Variants in SRFBP1 observed in about 807,000 individuals in gnomAD.
SRFBP1 encodes the protein serum response factor-binding protein 1.
In SRFBP1, 47 loss-of-function variants were observed where a neutral mutation model predicts 45.5. That is an observed-to-expected ratio of 1.03 (90% CI 0.82 to 1.32). The LOEUF (loss-of-function observed/expected upper bound fraction) is 1.32. Ranked by LOEUF, SRFBP1 falls within the 40% of genes most tolerant of loss-of-function variation. The pLI, the probability that SRFBP1 is intolerant of heterozygous loss-of-function variation, is 0.00. For missense variants in SRFBP1, 621 were observed against 484.6 expected (o/e 1.28, Z -2.64); for synonymous variants, 203 against 166.3 (o/e 1.22, Z -1.70).
At position 121,971,797 on chromosome 5, in the gene SRFBP1, A is replaced by G. The variant is rs74938695; in HGVS notation, c.37-2399A>G. Among the ~76,000 whole-genome samples, 777 of 152,144 alleles carry G rather than the reference A, an allele frequency of 5.1e-3. 10 individuals carry two copies. The highest frequency in any genetic ancestry group is 0.017 in the African/African-American group (727 of 41,544). ...TGAGTAGAAAGGAAAGAAGAAAACTATCTTGGAAAACTAAGGGAAGAATGT... is the reference window on the plus strand; with the variant it reads ...TGAGTAGAAAGGAAAGAAGAAAACTGTCTTGGAAAACTAAGGGAAGAATGT... On this transcript the variant is annotated intron_variant, in intron 1 of 7. Coordinates refer to ENST00000339397, the MANE Select transcript of SRFBP1 (RefSeq NM_152546.3).
intron 3 of SRFBP1, among the ~76,000 whole-genome samples, chr5:121,989,579 C>T (rs1206695703): frequency 6.6e-6 from 1 of 152,118 alleles, no homozygotes; most frequent in African/African-American, 2.4e-5. Context: ...ATAAAATGCC[C>T]TTGGAATAGA....
chr5:122,014,508 A>G (rs765747987), intron 4 of SRFBP1, among the ~76,000 whole-genome samples: 1 of 152,112 alleles, frequency 6.6e-6, no homozygotes, highest in Non-Finnish European at 1.5e-5. Context: ...TCCACAAATA[A>G]GTGCTCCACA....
Position 122,020,123 on chromosome 5 carries a change from G to A in SRFBP1, c.388G>A (p.Val130Ile), listed in dbSNP as rs1753272500. Residue 130 changes from valine to isoleucine, a missense_variant, in exon 6 of 8, where the codon GTT becomes ATT. Transcript: ENST00000339397. The stretch of plus-strand genomic sequence containing the variant: ...AGCCTTTAAAGAAGCAAGACAAAAT[G>A]TTGCTGAAGTTGAGTCATCAAAGAA... Reference protein sequence around the residue: ...VQAFKEARQNVAEVESSKNAS... With the variant: ...VQAFKEARQNIAEVESSKNAS... 2 of 1,581,924 alleles carry A rather than the reference G, an allele frequency of 1.3e-6. No individual in the cohort carries two copies. The highest frequency in any genetic ancestry group is 1.7e-6 in the Non-Finnish European group (2 of 1,167,472).
chr5:121,997,290 C>T (rs959463727), intron 4 of SRFBP1, among the ~76,000 whole-genome samples: 1 of 149,554 alleles, frequency 6.7e-6, no homozygotes, highest in Non-Finnish European at 1.5e-5. Context: ...GTAACCAAAA[C>T]AGCATGGTAC....
In SRFBP1 at chr5:122,020,100, C is replaced by A. The variant is rs373773092; in HGVS notation, c.365C>A (p.Ala122Asp). 16 of 1,565,090 alleles carry A rather than the reference C, an allele frequency of 1.0e-5. No homozygotes were observed. In the Admixed American group the frequency reaches 3.1e-4, roughly 31 times the overall value. The change falls in exon 6 of 8, where the codon GCC becomes GAC. Residue 122 changes from alanine to aspartate, a missense_variant. Ala to Asp is a moderately radical substitution (Grantham distance 126, BLOSUM62 -2). Coordinates refer to ENST00000339397, the MANE Select transcript of SRFBP1 (RefSeq NM_152546.3). ...GTTTCTCTTGCAGCTGCTGTACAAG[C>A]CTTTAAAGAAGCAAGACAAAATGTT... is the stretch of plus-strand genomic sequence containing the variant. ...KIDVLKAAVQ[A>D]FKEARQNVAE...
chr5:121,973,946 C>T (rs1752250873), intron 1 of SRFBP1, among the ~76,000 whole-genome samples: 1 of 151,710 alleles, frequency 6.6e-6, no homozygotes, highest in East Asian at 1.9e-4. Context: ...AAATACTTAT[C>T]TCGGGTAATA....
At chr5:122,031,783 A>G (rs1248772236), downstream of SRFBP1, among the ~76,000 whole-genome samples, 1 of 152,220 alleles carries the variant, frequency 6.6e-6, no homozygotes, top group South Asian at 2.1e-4. Context: ...TTATGCATAC[A>G]GTGGACTGGA....
In SRFBP1 at chr5:122,005,652, G is replaced by A. The variant is rs78690850; in HGVS notation, c.270+10982G>A. On this transcript the variant is annotated intron_variant, in intron 4 of 7. Transcript: ENST00000339397. The stretch of plus-strand genomic sequence containing the variant: ...GAGAATTTAATCTATTGACATTCAA[G>A]GTAATTATTTCTGCATATGGACTTA... 2.0e-3 allele frequency among the ~76,000 whole-genome samples: 302 copies of A among 152,180 alleles called. 1 individual carries two copies. Among genetic ancestry groups the A allele is most frequent in the African/African-American group, 6.9e-3 (286 of 41,546 alleles).
chr5:122,077,932 T>C (rs1263952464), downstream of SRFBP1: 1 of 1,504,314 alleles, frequency 6.6e-7, no homozygotes, highest in South Asian at 1.4e-5. This position sits in a 1 kb window ranked among gnomAD's most constrained non-coding sequence, Gnocchi z 4.9. Flanking sequence ...CGCAGTGCAC[T>C]AGCGCGCAGA....
chr5:121,962,135 G>T, intron 1 of SRFBP1, 67 bp downstream of exon 1: 1 of 1,595,710 alleles, frequency 6.3e-7, no homozygotes, highest in Middle Eastern at 1.7e-4. Context: ...TGAGACGCGT[G>T]GTCGGAGGCG....
At chr5:122,012,066 T>C (rs920059390) in intron 4 of SRFBP1, among the ~76,000 whole-genome samples, 4 of 152,156 alleles carry the variant, frequency 2.6e-5, no homozygotes, top group African/African-American at 9.6e-5. Context: ...TTGTTGAGAA[T>C]ACTAGACCGA....
Position 122,026,085 on chromosome 5 carries a change from G to A in SRFBP1, c.1106-857G>A, listed in dbSNP as rs186787096. On this transcript the variant is annotated intron_variant, in intron 7 of 7. Coordinates refer to ENST00000339397, the MANE Select transcript of SRFBP1 (RefSeq NM_152546.3). ...ATCCTGGGCAACAGAGCAAGACTCC[G>A]TCTTAAAAAAAAGAAGTCTTTTGAC... is the stretch of plus-strand genomic sequence containing the variant. 5.1e-3 allele frequency among the ~76,000 whole-genome samples: 775 copies of A among 152,244 alleles called. 10 individuals are homozygous for A. Among genetic ancestry groups the A allele is most frequent in the African/African-American group, 0.017 (723 of 41,554 alleles).
chr5:122,071,191 ATATG>A (rs1340296355), intron 2 of SRFBP1, among the ~76,000 whole-genome samples: 69 of 118,662 alleles, frequency 5.8e-4, no homozygotes, highest in African/African-American at 2.5e-3. Context: ...GTAAACATTT[ATATG>A]TGTGTGTGTG....
rs573017401 is a variant in SRFBP1, at chr5:121,962,563, G to A, written c.36+495G>A. 7.9e-4 allele frequency among the ~76,000 whole-genome samples: 120 copies of A among 152,282 alleles called. 1 individual carries two copies. Among genetic ancestry groups the A allele is most frequent in the African/African-American group, 2.8e-3 (116 of 41,562 alleles). On this transcript the variant is annotated intron_variant, in intron 1 of 7. Transcript: ENST00000339397. ...TACTTCGTTTCCTCTTCCAGTTAGT[G>A]TCCTATTTCTTTGCTTCCGTTTACA...
downstream of SRFBP1, among the ~76,000 whole-genome samples, chr5:122,078,923 C>T (rs1303821601): frequency 1.3e-5 from 2 of 152,230 alleles, no homozygotes; most frequent in Non-Finnish European, 2.9e-5. Context: ...ATAAACCTGT[C>T]TCTTTTTCAA....
chr5:122,074,160 G>A, intron 2 of SRFBP1: 1 of 1,613,410 alleles, frequency 6.2e-7, no homozygotes, highest in East Asian at 2.2e-5. Context: ...CATCCATACT[G>A]TGGTAATGTC....
chr5:122,059,307 C>G (rs892315678), intron 2 of SRFBP1, among the ~76,000 whole-genome samples: 3 of 152,088 alleles, frequency 2.0e-5, no homozygotes, highest in African/African-American at 7.2e-5. Flanking sequence ...GGTTGGAGGT[C>G]TGTTATTTCC....
At chr5:122,070,200 T>C (rs756467458) in intron 2 of SRFBP1, 4 of 1,199,448 alleles carry the variant, frequency 3.3e-6, no homozygotes, top group Non-Finnish European at 5.0e-6. Context: ...TCAGTATTTC[T>C]TTTTCCATAG....
Position 122,020,297 on chromosome 5 carries a change from A to G in SRFBP1, c.562A>G (p.Ile188Val). 1.9e-6 allele frequency: 3 copies of G among 1,611,862 alleles called. No homozygotes were observed. Among genetic ancestry groups the G allele is most frequent in the South Asian group, 1.1e-5 (1 of 90,356 alleles). The change falls in exon 6 of 8, where the codon ATA (isoleucine) becomes GTA (valine). Residue 188 changes from isoleucine (I) to valine (V), a missense_variant. By Grantham distance (29) the Ile-to-Val change is conservative (BLOSUM62 3). Transcript: ENST00000339397. ...ACCAATACATAATTCAAAGGAAAAA[A>G]TAGCAAAGATGGAACATGGACCTAA... ...KKPIHNSKEK[I>V]AKMEHGPKAV...
Sources: gnomAD v4.1 joint callset for allele counts (sites outside exome capture counted in the v4.1 genomes callset) on GRCh38, gnomAD v4.1.1 for gene constraint, Gnocchi (gnomAD v3.1) non-coding constraint, MANE v1.5 for transcripts, NCBI Gene and HGNC (gene_info 2026-07-23, HGNC 2026-07-21) for gene names.